The following DUSP22 variants were observed in gnomAD, a reference collection of about 807,000 sequenced individuals.
DUSP22 encodes dual specificity phosphatase 22.
In DUSP22, 24 loss-of-function variants were observed where a neutral mutation model predicts 24.5. The ratio of observed to expected loss-of-function variants is 0.98; its 90% CI spans 0.71 to 1.38. DUSP22 has a LOEUF of 1.38. Among genes scored for constraint, DUSP22 ranks in the 40% most tolerant of loss-of-function variants. The probability of loss-of-function intolerance (pLI) is 0.00; values close to 1 mark genes in which losing one functional copy is unlikely to be tolerated. For synonymous variants in DUSP22, 160 were observed against 106.4 expected (o/e 1.50, Z -3.10); for missense variants, 330 against 269.2 (o/e 1.23, Z -1.58).
chr6:337,425 G>GT (rs1375027841), intron 4 of DUSP22, among the ~76,000 whole-genome samples: 4 of 152,298 alleles, frequency 2.6e-5, no homozygotes, highest in African/African-American at 9.6e-5. Context: ...TACAGAAAAG[G>GT]TAGTTGCAAT....
At chr6:295,066 C>T (rs1392664444) in intron 1 of DUSP22, among the ~76,000 whole-genome samples, 4 of 151,958 alleles carry the variant, frequency 2.6e-5, no homozygotes, top group Admixed American at 1.3e-4. Flanking sequence ...TGACTTGGAA[C>T]GAGGCTTCAT....
Position 349,491 on chromosome 6 carries a change from C to T in DUSP22, c.*540C>T. 3.0e-6 allele frequency: 3 copies of T among 999,708 alleles called. No homozygotes were observed. The highest frequency in any genetic ancestry group is 2.4e-6 in the Non-Finnish European group (2 of 839,166). The allele number at this position is 999,708 out of a possible 1,614,324, so 61.9% of individuals were successfully genotyped here. On this transcript the variant is annotated 3_prime_UTR_variant, in exon 7 of 7. Transcript: ENST00000419235. ...CTACCCAGCAAAGAGCAGTCTGTGC[C>T]TCTGAGCAGACCGTGAGAACTCAGG...
intron 3 of DUSP22, among the ~76,000 whole-genome samples, chr6:323,833 C>A (rs1178471192): frequency 6.6e-6 from 1 of 152,304 alleles, no homozygotes; most frequent in African/African-American, 2.4e-5. Flanking sequence ...AGGTACAAAT[C>A]AAATATATCT....
chr6:322,855 T>C, intron 3 of DUSP22, among the ~76,000 whole-genome samples: 1 of 147,056 alleles, frequency 6.8e-6, no homozygotes, highest in Non-Finnish European at 1.5e-5. Flanking sequence ...CCTTCGAGTC[T>C]GCAATAGGAA....
intron 3 of DUSP22, among the ~76,000 whole-genome samples, chr6:316,128 C>G (rs1244037385): frequency 6.6e-6 from 1 of 152,298 alleles, no homozygotes; most frequent in Non-Finnish European, 1.5e-5. Context: ...CTGAGTCCAG[C>G]AAGGTGGATG....
At position 348,215 on chromosome 6, in the gene DUSP22, A is replaced by C. The variant is rs774810678; in HGVS notation, c.376A>C (p.Asn126His). The change falls in exon 6 of 7, where the codon AAC (asparagine) becomes CAC (histidine). Residue 126 changes from asparagine (N) to histidine (H), a missense_variant. Transcript: ENST00000419235. Reference protein sequence around the residue: ...HTVRAGRSCANPNVGFQRQLQ... With the variant: ...HTVRAGRSCAHPNVGFQRQLQ... ...CGTGCGTGCTGGGAGATCCTGTGCC[A>C]ACCCCAACGTGGGCTTCCAGAGACA... 1 of 1,614,314 alleles carries C rather than the reference A, an allele frequency of 6.2e-7. No homozygotes were observed. Among genetic ancestry groups the C allele is most frequent in the South Asian group, 1.1e-5 (1 of 91,090 alleles).
At position 345,836 on chromosome 6, in the gene DUSP22, CTTTT is replaced by C; in HGVS notation, c.189-14_189-11del. 6.2e-7 allele frequency: 1 copy of C among 1,613,768 alleles called. No individual in the cohort carries two copies. Among genetic ancestry groups the C allele is most frequent in the South Asian group, 1.1e-5 (1 of 91,042 alleles). On this transcript the variant is annotated splice_polypyrimidine_tract_variant and intron_variant, in intron 4 of 6. Coordinates refer to ENST00000419235, the MANE Select transcript of DUSP22 (RefSeq NM_001286555.3). ...AGTAAAGTAGAGAGATGTCATTTCT[CTTTT>C]TTTCTTTTCCCAGGACAAGACATTT... is the stretch of plus-strand genomic sequence containing the variant.
At chr6:323,087 C>T (rs1282947988) in intron 3 of DUSP22, among the ~76,000 whole-genome samples, 2 of 152,302 alleles carry the variant, frequency 1.3e-5, no homozygotes, top group African/African-American at 2.4e-5. Flanking sequence ...GGAAGTGCTC[C>T]AATCTTATTT....
Position 349,066 on chromosome 6 carries a change from G to GGTCGC in DUSP22, c.*116_*117insTCGCG. ...GAAAGGGAGATAGCCAGGGCGAGGTGGGGCGAGGGCTCCTTCCCCCAAGCA... is the reference window on the plus strand; with the variant it reads ...GAAAGGGAGATAGCCAGGGCGAGGTGGTCGCGGGCGAGGGCTCCTTCCCCCAAGCA... On this transcript the variant is annotated 3_prime_UTR_variant, in exon 7 of 7. Transcript: ENST00000419235. 2 of 1,483,418 alleles carry GGTCGC rather than the reference G, an allele frequency of 1.3e-6. No homozygotes were observed. The highest frequency in any genetic ancestry group is 1.8e-6 in the Non-Finnish European group (2 of 1,116,944). The allele number at this position is 1,483,418 out of a possible 1,614,324, so 91.9% of individuals were successfully genotyped here. A position where few individuals can be genotyped will look rare whatever the true frequency, so the allele number is the denominator to read the frequency against.
chr6:344,451 A>G (rs1759762094), intron 4 of DUSP22, among the ~76,000 whole-genome samples: 1 of 152,276 alleles, frequency 6.6e-6, no homozygotes, highest in Non-Finnish European at 1.5e-5. Context: ...ACACCCAGCT[A>G]ATTTTTTTTT....
chr6:311,629 G>C (rs1348611200), intron 2 of DUSP22, among the ~76,000 whole-genome samples: 1 of 152,212 alleles, frequency 6.6e-6, no homozygotes, highest in Non-Finnish European at 1.5e-5. Flanking sequence ...GCAGTGAGCC[G>C]AGATGGCGCC....
rs1759984831 is a variant in DUSP22 at position 348,250 on chromosome 6, G to C, written c.411G>C (p.Glu137Asp). 2 of 1,614,312 alleles carry C rather than the reference G, an allele frequency of 1.2e-6. No individual in the cohort carries two copies. Among genetic ancestry groups the C allele is most frequent in the East Asian group, 4.5e-5 (2 of 44,896 alleles). ...TGGGCTTCCAGAGACAGCTCCAGGA[G>C]TTTGAGAAGCATGAGGTCCATCAGG... ...PNVGFQRQLQ[E>D]FEKHEVHQYR... The change falls in exon 6 of 7, where the codon GAG (glutamate) becomes GAC (aspartate). Residue 137 changes from glutamate (E) to aspartate (D), a missense_variant. Physicochemically the swap from Glu to Asp is conservative, Grantham distance 45 (BLOSUM62 2). Coordinates refer to ENST00000419235, the MANE Select transcript of DUSP22 (RefSeq NM_001286555.3).
chr6:336,100 T>C (rs368376954), intron 4 of DUSP22, among the ~76,000 whole-genome samples: 116 of 152,360 alleles, frequency 7.6e-4, no homozygotes, highest in Middle Eastern at 3.4e-3. Flanking sequence ...AATATCATGA[T>C]GTGGAGTAGA....
intron 3 of DUSP22, among the ~76,000 whole-genome samples, chr6:328,823 AAG>A (rs1286859456): frequency 6.6e-6 from 1 of 152,310 alleles, no homozygotes; most frequent in African/African-American, 2.4e-5. Flanking sequence ...GCAAACAAAA[AAG>A]AGAGGAGAGG....
At chr6:330,679 A>G in intron 3 of DUSP22, among the ~76,000 whole-genome samples, 1 of 152,308 alleles carries the variant, frequency 6.6e-6, no homozygotes, top group Non-Finnish European at 1.5e-5. Context: ...AACTTTTGAG[A>G]AGATGGACTC....
chr6:299,697 A>G (rs528447242), intron 1 of DUSP22, among the ~76,000 whole-genome samples: 2 of 152,424 alleles, frequency 1.3e-5, no homozygotes, highest in South Asian at 2.1e-4. Flanking sequence ...TGTATGTAAA[A>G]TACTCATCTT....
rs1581178097 is a variant in DUSP22, at chr6:331,623, G to A, written c.139-3491G>A. On this transcript the variant is annotated intron_variant, in intron 3 of 6. Transcript: ENST00000419235. Reference sequence around the variant, plus strand: ...TTCATTAGTACTAGGATACTTTTAAGTGGGCCAGCTTTCTTGTGGCACTGG... The same window carrying A: ...TTCATTAGTACTAGGATACTTTTAAATGGGCCAGCTTTCTTGTGGCACTGG... Among the ~76,000 whole-genome samples, 6 of 152,422 alleles carry A rather than the reference G, an allele frequency of 3.9e-5. No individual in the cohort carries two copies. In the South Asian group the frequency reaches 8.3e-4, roughly 21 times the overall value.
intron 3 of DUSP22, among the ~76,000 whole-genome samples, chr6:323,052 C>A (rs999758813): frequency 1.4e-4 from 22 of 152,406 alleles, no homozygotes; most frequent in African/African-American, 5.0e-4. Context: ...TGCAGGTGGA[C>A]CTTGTGTTTG....
At chr6:316,306 A>G (rs1012561361) in intron 3 of DUSP22, among the ~76,000 whole-genome samples, 6 of 152,308 alleles carry the variant, frequency 3.9e-5, no homozygotes, top group Non-Finnish European at 5.9e-5. Context: ...TTCGGAGCAC[A>G]TGATGCTAGT....
Sources: gnomAD v4.1 joint callset for allele counts (sites outside exome capture counted in the v4.1 genomes callset) on GRCh38, gnomAD v4.1.1 for gene constraint, MANE v1.5 for transcripts, NCBI Gene and HGNC (gene_info 2026-07-23, HGNC 2026-07-21) for gene names.